The following CEP350 variants were observed in gnomAD, a reference collection of about 807,000 sequenced individuals.
The protein encoded by CEP350 is centrosomal protein 350, also known as centrosome-associated protein 350.
A neutral mutation model predicts 331.8 loss-of-function variants in CEP350; 126 were observed. The ratio of observed to expected loss-of-function variants is 0.38; its 90% CI spans 0.33 to 0.44. The LOEUF (loss-of-function observed/expected upper bound fraction) is 0.44. CEP350 is among the 20% of genes least tolerant of loss of function. The pLI, the probability that CEP350 is intolerant of heterozygous loss-of-function variation, is 1.00. For missense variants in CEP350, 3,406 were observed against 3,634.6 expected, an observed-to-expected ratio of 0.94 and a Z score of 1.62; for synonymous variants, 1,200 against 1,259.5, an observed-to-expected ratio of 0.95 and a Z score of 1.00.
intron 27 of CEP350, among the ~76,000 whole-genome samples, chr1:180,067,969 C>A (rs1658646156): frequency 6.6e-6 from 1 of 152,214 alleles, no homozygotes; most frequent in Non-Finnish European, 1.5e-5. Flanking sequence ...ACTTCGTGAA[C>A]AACAAAATCA....
chr1:180,050,752 A>G (rs1329167430), intron 22 of CEP350, among the ~76,000 whole-genome samples: 1 of 152,144 alleles, frequency 6.6e-6, no homozygotes. Flanking sequence ...AGATCTGAAC[A>G]GATACTTCAT....
At chr1:179,962,709 A>G (rs1650726146) in intron 1 of CEP350, among the ~76,000 whole-genome samples, 2 of 152,128 alleles carry the variant, frequency 1.3e-5, no homozygotes, top group South Asian at 4.1e-4. Flanking sequence ...CTCCCGGCCT[A>G]TCTGATCTAC....
In CEP350 at chr1:180,012,106, A is replaced by C. The variant is rs768625333; in HGVS notation, c.1393+31A>C. ...TAGCTATAATTAAAATAGTTGAGAA[A>C]ACAATTAAAAATTGCTATTAAGTAC... On this transcript the variant is annotated intron_variant, in intron 9 of 37. Transcript: ENST00000367607. The C allele has an allele frequency of 2.2e-5, 34 of 1,512,308 alleles. No individual in the cohort carries two copies. In the South Asian group the frequency reaches 4.4e-4, roughly 19 times the overall value. 93.7% of individuals were successfully genotyped at this position (1,512,308 alleles called of 1,614,324 possible).
intron 1 of CEP350, among the ~76,000 whole-genome samples, chr1:179,984,678 A>G (rs1652524747): frequency 6.6e-6 from 1 of 152,234 alleles, no homozygotes; most frequent in African/African-American, 2.4e-5. Flanking sequence ...AGAAAGGAGT[A>G]TCAAAGAAAT....
chr1:180,002,923 AG>A (rs1275645821), intron 6 of CEP350, among the ~76,000 whole-genome samples: 1 of 152,172 alleles, frequency 6.6e-6, no homozygotes, highest in Non-Finnish European at 1.5e-5. Flanking sequence ...AGTAGTTGCC[AG>A]GGGATGGAGG....
intron 34 of CEP350, 53 bp downstream of exon 34, chr1:180,094,669 A>T: frequency 6.5e-7 from 1 of 1,547,462 alleles, no homozygotes; most frequent in Non-Finnish European, 8.7e-7. Flanking sequence ...ACTTTTAACA[A>T]GGCAACTTAC....
intron 1 of CEP350, among the ~76,000 whole-genome samples, chr1:179,973,092 C>T (rs189591141): frequency 6.6e-6 from 1 of 152,214 alleles, no homozygotes; most frequent in Non-Finnish European, 1.5e-5. Context: ...TGGTCTTGAT[C>T]TCCTGACCTC....
At chr1:180,007,991 C>G (rs1388328227) in intron 8 of CEP350, among the ~76,000 whole-genome samples, 1 of 152,040 alleles carries the variant, frequency 6.6e-6, no homozygotes, top group African/African-American at 2.4e-5. Context: ...CATCAACATA[C>G]TGAACACATC....
chr1:180,009,377 T>C (rs749618442), intron 8 of CEP350, among the ~76,000 whole-genome samples: 1 of 152,244 alleles, frequency 6.6e-6, no homozygotes, highest in Non-Finnish European at 1.5e-5. Context: ...AGAAGCATAG[T>C]TTGAAATGAA....
intron 5 of CEP350, among the ~76,000 whole-genome samples, chr1:179,994,335 ATTGTTACAGTC>A (rs2148704909): frequency 6.6e-6 from 1 of 152,154 alleles, no homozygotes; most frequent in Non-Finnish European, 1.5e-5. Flanking sequence ...TTAACTGTGA[ATTGTTACAGTC>A]TTGTTAATAT....
intron 37 of CEP350, 30 bp downstream of exon 37, chr1:180,099,015 T>C: frequency 6.3e-7 from 1 of 1,593,740 alleles, no homozygotes. Flanking sequence ...CTGTTTTTAT[T>C]TTGACCATAT....
chr1:180,090,545 CAAAAAAAAAAAAAAAAAA>C (rs36128628), intron 32 of CEP350, among the ~76,000 whole-genome samples, 151 bp from the exon 33 acceptor site: 1 of 77,378 alleles, frequency 1.3e-5, no homozygotes, highest in African/African-American at 5.5e-5. Context: ...GACTCCGTCT[CAAAAAAAAAAAAAAAAAA>C]AAAAAAAGAA....
At chr1:180,054,282 T>G in intron 24 of CEP350, 133 bp from the exon 25 acceptor site, 1 of 745,464 alleles carries the variant, frequency 1.3e-6, no homozygotes, top group Non-Finnish European at 2.3e-6. Context: ...TACGGCTACA[T>G]GTAGCAACTG....
intron 6 of CEP350, 103 bp from the exon 7 acceptor site, chr1:180,003,071 T>C (rs1444494664): frequency 1.4e-6 from 1 of 707,108 alleles, no homozygotes; most frequent in African/African-American, 1.8e-5. Context: ...ACTAAAAGAG[T>C]GAATTTTATG....
intron 21 of CEP350, among the ~76,000 whole-genome samples, chr1:180,044,734 G>A (rs1464398349): frequency 5.3e-5 from 8 of 149,632 alleles, no homozygotes; most frequent in Admixed American, 4.7e-4. Context: ...GCTAAATGAC[G>A]AGTTAATGGG....
At position 180,095,507 on chromosome 1, in the gene CEP350, G is replaced by C. The variant is rs529911106; in HGVS notation, c.8512-16G>C. ...TCCCTAAATGGTGCTCTGTTTGAAT[G>C]GTTCCATTTCTATAGGAGAGCCCAG... On this transcript the variant is annotated splice_polypyrimidine_tract_variant and intron_variant, in intron 34 of 37. Transcript: ENST00000367607. 1.1e-5 allele frequency: 18 copies of C among 1,604,166 alleles called. No individual in the cohort carries two copies. The highest frequency in any genetic ancestry group is 1.5e-5 in the Non-Finnish European group (18 of 1,174,648).
intron 14 of CEP350, among the ~76,000 whole-genome samples, chr1:180,028,503 A>C (rs1189505698): frequency 6.6e-6 from 1 of 152,066 alleles, no homozygotes; most frequent in Non-Finnish European, 1.5e-5. Context: ...AAATATCATG[A>C]TATAGGTTGG....
At chr1:180,101,974 C>G (rs1052380164) in intron 37 of CEP350, among the ~76,000 whole-genome samples, 5 of 152,136 alleles carry the variant, frequency 3.3e-5, no homozygotes, top group Non-Finnish European at 7.3e-5. Context: ...ACTCTTTCCT[C>G]TTGGGTTTTT....
At chr1:179,995,013 A>T (rs1485056240) in intron 5 of CEP350, among the ~76,000 whole-genome samples, 1 of 152,244 alleles carries the variant, frequency 6.6e-6, no homozygotes, top group Non-Finnish European at 1.5e-5. Flanking sequence ...TGTGAGCCAC[A>T]CATGTAATTT....
Sources: gnomAD v4.1 joint callset for allele counts (sites outside exome capture counted in the v4.1 genomes callset) on GRCh38, gnomAD v4.1.1 for gene constraint, MANE v1.5 for transcripts, NCBI Gene and HGNC (gene_info 2026-07-23, HGNC 2026-07-21) for gene names.